Variants in PTPN13 observed in about 807,000 individuals in gnomAD.
PTPN13 encodes the protein protein tyrosine phosphatase non-receptor type 13, also known as tyrosine-protein phosphatase non-receptor type 13.
PTPN13 carries 191 observed loss-of-function variants against 284.0 expected under a neutral mutation model. That is an observed-to-expected ratio of 0.67 (90% CI 0.60 to 0.76). PTPN13 has a LOEUF of 0.76. Among genes scored for constraint, PTPN13 ranks in the 30% least tolerant of loss-of-function variants. The pLI is 0.00. For missense variants in PTPN13, 2,797 were observed against 2,939.9 expected, an observed-to-expected ratio of 0.95 and a Z score of 1.12; for synonymous variants, 986 against 1,022.3, an observed-to-expected ratio of 0.96 and a Z score of 0.68.
intron 2 of PTPN13, among the ~76,000 whole-genome samples, chr4:86,637,079 A>C (rs1249965859): frequency 6.6e-6 from 1 of 152,208 alleles, no homozygotes; most frequent in Non-Finnish European, 1.5e-5. Context: ...GAAAATCCAG[A>C]AGAAATGGAT....
At chr4:86,805,991 A>G (rs1744609801) in intron 44 of PTPN13, among the ~76,000 whole-genome samples, 3 of 152,060 alleles carry the variant, frequency 2.0e-5, no homozygotes, top group Admixed American at 2.0e-4. Context: ...CCCCATCTCT[A>G]CTGAAAAATA....
chr4:86,803,064 CTGTGTGTGTGTGTGTGTGTG>C (rs143647187), intron 42 of PTPN13, among the ~76,000 whole-genome samples: 1 of 136,088 alleles, frequency 7.3e-6, no homozygotes, highest in African/African-American at 2.8e-5. Flanking sequence ...CAGAATAAGA[CTGTGTGTGTGTGTGTGTGTG>C]TGTGTGTGTG....
At position 86,766,491 on chromosome 4, in the gene PTPN13, G is replaced by A. The variant is rs1210293255; in HGVS notation, c.4303G>A (p.Val1435Met). 15 of 1,609,460 alleles carry A rather than the reference G, an allele frequency of 9.3e-6. No individual in the cohort carries two copies. The highest frequency in any genetic ancestry group is 6.7e-5 in the South Asian group (6 of 89,640). The change falls in exon 27 of 48, where the codon GTG becomes ATG. Residue 1435 changes from valine (V) to methionine (M), a missense_variant. Coordinates refer to ENST00000411767, the MANE Select transcript of PTPN13 (RefSeq NM_080683.3). ...SLEGATHKQAVETLRNTGQVV... is the reference protein window; with the variant it reads ...SLEGATHKQAMETLRNTGQVV... ...AGAAGGAGCCACCCATAAGCAAGCT[G>A]TGGAAACACTGAGAAATACAGGACA... is the stretch of plus-strand genomic sequence containing the variant.
intron 35 of PTPN13, 97 bp downstream of exon 35, chr4:86,775,749 T>A: frequency 1.0e-6 from 1 of 991,962 alleles, no homozygotes; most frequent in Non-Finnish European, 1.5e-6. Context: ...ACTGAATTAG[T>A]AATTCATAGA....
intron 1 of PTPN13, among the ~76,000 whole-genome samples, chr4:86,631,513 AT>A (rs1361837291): frequency 6.6e-6 from 1 of 152,178 alleles, no homozygotes; most frequent in African/African-American, 2.4e-5. Context: ...TTTTAAAAAA[AT>A]CTTTAAGTTC....
intron 36 of PTPN13, among the ~76,000 whole-genome samples, chr4:86,781,993 T>G (rs1741364007): frequency 6.6e-6 from 1 of 152,106 alleles, no homozygotes. Flanking sequence ...AATTAGCTTT[T>G]TCCTTGGGAT....
At chr4:86,799,076 T>C in intron 41 of PTPN13, 25 bp from the exon 42 acceptor site, 1 of 1,384,568 alleles carries the variant, frequency 7.2e-7, no homozygotes, top group Non-Finnish European at 9.9e-7. Context: ...GAAGAAAATG[T>C]TTCAAATATG....
intron 46 of PTPN13, among the ~76,000 whole-genome samples, chr4:86,810,469 A>G (rs979638464): frequency 3.3e-5 from 5 of 152,058 alleles, no homozygotes; most frequent in African/African-American, 1.2e-4. Context: ...AATTACTATA[A>G]GAGTATAATC....
At chr4:86,641,862 CT>C (rs1336711825) in intron 2 of PTPN13, among the ~76,000 whole-genome samples, 1 of 152,140 alleles carries the variant, frequency 6.6e-6, no homozygotes. Context: ...AAGAATTGTA[CT>C]GTCTATTCCT....
chr4:86,793,955 C>A (rs1406162738), intron 40 of PTPN13, among the ~76,000 whole-genome samples: 1 of 152,070 alleles, frequency 6.6e-6, no homozygotes, highest in Non-Finnish European at 1.5e-5. Flanking sequence ...GAAGCAAGAG[C>A]AAACACATTC....
chr4:86,742,013 T>G (rs897906239), intron 16 of PTPN13, among the ~76,000 whole-genome samples, 197 bp downstream of exon 16: 1 of 152,218 alleles, frequency 6.6e-6, no homozygotes, highest in Non-Finnish European at 1.5e-5. Flanking sequence ...CAGGTGACTT[T>G]TAAGATTATT....
At chr4:86,600,702 G>A (rs1764231306) in intron 1 of PTPN13, among the ~76,000 whole-genome samples, 1 of 151,830 alleles carries the variant, frequency 6.6e-6, no homozygotes, top group African/African-American at 2.4e-5. Context: ...TTTGAGGAAA[G>A]ATACAGCCTG....
At position 86,813,086 on chromosome 4, in the gene PTPN13, A is replaced by T. The variant is rs3846289; in HGVS notation, c.7363-1370A>T. On this transcript the variant is annotated intron_variant, in intron 47 of 47. Transcript: ENST00000411767. ...GTTAAAATACAGATAAGCAAAAAAG[A>T]AACTTAAAAGGCCACTTGTATTCCT... Among the ~76,000 whole-genome samples, 1,088 of 152,282 alleles carry T rather than the reference A, an allele frequency of 7.1e-3. 11 individuals carry two copies. The highest frequency in any genetic ancestry group is 0.01 in the Middle Eastern group (3 of 294).
In PTPN13 at chr4:86,782,224, A is replaced by T. The variant is rs911813129; in HGVS notation, c.5986A>T (p.Ser1996Cys). The T allele has an allele frequency of 1.9e-6, 3 of 1,610,278 alleles. No homozygotes were observed. The highest frequency in any genetic ancestry group is 2.5e-6 in the Non-Finnish European group (3 of 1,176,596). ...GNGSYSVGSC[S>C]QPALTPNDSF... ...AGGTTCCTACAGTGTGGGGTCTTGC[A>T]GCCAGCCTGCCCTCACTCCTAATGA... Residue 1996 changes from serine (S) to cysteine (C), a missense_variant, in exon 37 of 48, where the codon AGC becomes TGC. Coordinates refer to ENST00000411767, the MANE Select transcript of PTPN13 (RefSeq NM_080683.3).
chr4:86,746,873 G>A (rs374367259), intron 17 of PTPN13, among the ~76,000 whole-genome samples: 2 of 152,010 alleles, frequency 1.3e-5, no homozygotes, highest in African/African-American at 4.8e-5. Context: ...TTCGTGATCT[G>A]CCCGCCTCGG....
In PTPN13 at chr4:86,775,184, A is replaced by G; in HGVS notation, c.5522A>G (p.Asp1841Gly). 6.2e-7 allele frequency: 1 copy of G among 1,601,602 alleles called. No individual in the cohort carries two copies. Among genetic ancestry groups the G allele is most frequent in the Admixed American group, 1.8e-5 (1 of 56,758 alleles). The change falls in exon 34 of 48, where the codon GAT (aspartate) becomes GGT (glycine). Residue 1841 changes from aspartate (D) to glycine (G), a missense_variant. Coordinates refer to ENST00000411767, the MANE Select transcript of PTPN13 (RefSeq NM_080683.3). ...GDRLIKVNDT[D>G]VTNMTHTDAV... ...TTGTTTTTGTAGGTTAATGATACAG[A>G]TGTTACTAATATGACTCATACAGAT...
chr4:86,748,320 C>A (rs1175656387), intron 17 of PTPN13, among the ~76,000 whole-genome samples: 1 of 152,144 alleles, frequency 6.6e-6, no homozygotes, highest in African/African-American at 2.4e-5. Context: ...TCATTCTAAT[C>A]TATGTTGGAG....
chr4:86,697,659 G>A (rs556290427), intron 6 of PTPN13, among the ~76,000 whole-genome samples: 6 of 152,232 alleles, frequency 3.9e-5, no homozygotes, highest in African/African-American at 1.2e-4. Context: ...TAGAACTTAC[G>A]CATATTAGTA....
chr4:86,647,586 G>GT (rs1169369151), intron 2 of PTPN13, among the ~76,000 whole-genome samples: 2 of 151,840 alleles, frequency 1.3e-5, no homozygotes, highest in African/African-American at 4.8e-5. Context: ...ATGAGAAAAC[G>GT]TTAAAAGTAG....
Sources: gnomAD v4.1 joint callset for allele counts (sites outside exome capture counted in the v4.1 genomes callset) on GRCh38, gnomAD v4.1.1 for gene constraint, MANE v1.5 for transcripts, NCBI Gene and HGNC (gene_info 2026-07-23, HGNC 2026-07-21) for gene names.